The following IMMP2L variants were observed in gnomAD, a reference collection of about 807,000 sequenced individuals.
The protein encoded by IMMP2L is mitochondrial inner membrane protease subunit 2.
A neutral mutation model predicts 19.3 loss-of-function variants in IMMP2L; 18 were observed. The ratio of observed to expected loss-of-function variants is 0.93; its 90% CI spans 0.64 to 1.38. IMMP2L has a LOEUF of 1.38. IMMP2L is among the 40% of genes most tolerant of loss of function. IMMP2L has a pLI of 0.00. For synonymous variants in IMMP2L, 76 were observed against 73.0 expected, an observed-to-expected ratio of 1.04 and a Z score of -0.21; for missense variants, 233 against 218.2, an observed-to-expected ratio of 1.07 and a Z score of -0.43.
chr7:111,367,335 G>A lies in IMMP2L; in HGVS notation c.239+119903C>T, dbSNP rs545142701. On this transcript the variant is annotated intron_variant, in intron 3 of 5. Coordinates refer to ENST00000405709, the MANE Select transcript of IMMP2L (RefSeq NM_032549.4). The stretch of plus-strand genomic sequence containing the variant: ...ACAATGCAAGCACAAAAGGACATAC[G>A]CTAATAGGTATTTCCGGAGTAACAA... Among the ~76,000 whole-genome samples the A allele has an allele frequency of 2.6e-5, 4 of 151,870 alleles. No homozygotes were observed. The South Asian group carries it at 8.3e-4, about 32-fold the overall frequency.
At chr7:110,768,308 GAAAAAAAA>G (rs56248524) in intron 5 of IMMP2L, among the ~76,000 whole-genome samples, 2 of 120,876 alleles carry the variant, frequency 1.7e-5, no homozygotes, top group African/African-American at 3.0e-5. Flanking sequence ...GAAAAGAAAG[GAAAAAAAA>G]AAAAAAAAAG....
At chr7:111,076,063 T>C (rs145184887) in intron 3 of IMMP2L, among the ~76,000 whole-genome samples, 36 of 152,260 alleles carry the variant, frequency 2.4e-4, no homozygotes, top group African/African-American at 7.9e-4. Flanking sequence ...TTCATTTCTC[T>C]CTAGGAAAAA....
intron 3 of IMMP2L, among the ~76,000 whole-genome samples, chr7:111,143,014 C>T (rs1803100701): frequency 6.6e-6 from 1 of 152,052 alleles, no homozygotes; most frequent in Non-Finnish European, 1.5e-5. Context: ...AGTTGCCAAG[C>T]AGCATATTTC....
chr7:111,110,313 C>G (rs535080785), intron 3 of IMMP2L, among the ~76,000 whole-genome samples: 15 of 152,230 alleles, frequency 9.9e-5, no homozygotes, highest in African/African-American at 3.6e-4. Context: ...AAGAAAACCT[C>G]AAAACTAATA....
intron 2 of IMMP2L, among the ~76,000 whole-genome samples, chr7:111,495,781 C>T (rs938523749): frequency 2.6e-5 from 4 of 152,098 alleles, no homozygotes; most frequent in Non-Finnish European, 5.9e-5. Context: ...GATTCACTGC[C>T]TCCAAGATAT....
intron 3 of IMMP2L, among the ~76,000 whole-genome samples, chr7:111,462,116 T>C (rs901685994): frequency 6.6e-6 from 1 of 151,628 alleles, no homozygotes; most frequent in African/African-American, 2.4e-5. Flanking sequence ...TAATAAATAT[T>C]CTAAATGTAT....
chr7:111,052,909 C>A (rs1308692461), intron 3 of IMMP2L, among the ~76,000 whole-genome samples: 1 of 152,134 alleles, frequency 6.6e-6, no homozygotes, highest in Non-Finnish European at 1.5e-5. Context: ...TTCCCCTGTT[C>A]TTTCCTCCCC....
chr7:111,151,254 AG>A (rs1219006614), intron 3 of IMMP2L, among the ~76,000 whole-genome samples: 4 of 152,224 alleles, frequency 2.6e-5, no homozygotes, highest in Non-Finnish European at 2.9e-5. Context: ...GGGATCATAC[AG>A]TTTATTTTTC....
At chr7:111,155,994 CAGATTATACCTGTG>C (rs1309429003) in intron 3 of IMMP2L, among the ~76,000 whole-genome samples, 1 of 152,052 alleles carries the variant, frequency 6.6e-6, no homozygotes, top group Non-Finnish European at 1.5e-5. Flanking sequence ...TTATTTGCTC[CAGATTATACCTGTG>C]AGATTTATCC....
chr7:111,124,670 T>C (rs756447602), intron 3 of IMMP2L: 7 of 1,613,762 alleles, frequency 4.3e-6, no homozygotes, highest in Non-Finnish European at 5.9e-6. Flanking sequence ...ATGGCCTGTC[T>C]TGGAGGCCTT....
At chr7:110,930,042 C>A (rs1407777306) in intron 4 of IMMP2L, among the ~76,000 whole-genome samples, 1 of 152,102 alleles carries the variant, frequency 6.6e-6, no homozygotes, top group African/African-American at 2.4e-5. Flanking sequence ...AGTTCTGAGG[C>A]TAATGAGTAT....
chr7:110,843,863 C>T (rs986906641), intron 5 of IMMP2L, among the ~76,000 whole-genome samples: 5 of 152,030 alleles, frequency 3.3e-5, no homozygotes, highest in South Asian at 2.1e-4. Context: ...GTCCGTGTGT[C>T]GGCATGGGAG....
At position 111,277,450 on chromosome 7, in the gene IMMP2L, G is replaced by C. The variant is rs75643093; in HGVS notation, c.239+209788C>G. Among the ~76,000 whole-genome samples the C allele has an allele frequency of 8.6e-5, 13 of 151,780 alleles. No individual in the cohort carries two copies. The East Asian group carries it at 2.3e-3, about 27-fold the overall frequency. On this transcript the variant is annotated intron_variant, in intron 3 of 5. Transcript: ENST00000405709. ...AAAAGTCTAAAAACACTGTAATTCTGGCTATTCAGGTGGCTGAGGCACAAG... is the reference window on the plus strand; with the variant it reads ...AAAAGTCTAAAAACACTGTAATTCTCGCTATTCAGGTGGCTGAGGCACAAG...
intron 4 of IMMP2L, among the ~76,000 whole-genome samples, chr7:110,950,901 A>C: frequency 7.4e-6 from 1 of 135,620 alleles, no homozygotes; most frequent in African/African-American, 3.3e-5. Context: ...TCATGTATAT[A>C]TATGCCAAAT....
intron 2 of IMMP2L, among the ~76,000 whole-genome samples, chr7:111,519,186 C>T (rs1037378730): frequency 2.0e-5 from 3 of 152,110 alleles, no homozygotes; most frequent in African/African-American, 7.2e-5. Flanking sequence ...TGCGAGCTGC[C>T]AGCAGCCATG....
intron 5 of IMMP2L, among the ~76,000 whole-genome samples, chr7:110,755,312 A>G (rs950292768): frequency 4.6e-5 from 7 of 152,128 alleles, no homozygotes; most frequent in African/African-American, 1.7e-4. Flanking sequence ...CTTCACAATC[A>G]TTAGAAAAAT....
At chr7:110,806,132 A>T (rs1562987542) in intron 5 of IMMP2L, among the ~76,000 whole-genome samples, 1 of 152,030 alleles carries the variant, frequency 6.6e-6, no homozygotes, top group African/African-American at 2.4e-5. Flanking sequence ...AATAAGATGG[A>T]TAGCTAAATC....
At chr7:111,403,936 A>C (rs1324707757) in intron 3 of IMMP2L, among the ~76,000 whole-genome samples, 1 of 152,072 alleles carries the variant, frequency 6.6e-6, no homozygotes, top group Non-Finnish European at 1.5e-5. Flanking sequence ...TTATTTTTCT[A>C]ACCTATATAT....
rs557505621 is a variant in IMMP2L at position 110,822,917 on chromosome 7, G to A, written c.408+63676C>T. On this transcript the variant is annotated intron_variant, in intron 5 of 5. Coordinates refer to ENST00000405709, the MANE Select transcript of IMMP2L (RefSeq NM_032549.4). ...CTTATTCTATGTCTTATTCAAGGCTGGGGCCCCAGTACCTGGCACGGGATC... is the reference window on the plus strand; with the variant it reads ...CTTATTCTATGTCTTATTCAAGGCTAGGGCCCCAGTACCTGGCACGGGATC... Among the ~76,000 whole-genome samples, 5 of 152,166 alleles carry A rather than the reference G, an allele frequency of 3.3e-5. No individual in the cohort carries two copies. In the East Asian group the frequency reaches 7.8e-4, roughly 24 times the overall value.
Sources: gnomAD v4.1 joint callset for allele counts (sites outside exome capture counted in the v4.1 genomes callset) on GRCh38, gnomAD v4.1.1 for gene constraint, MANE v1.5 for transcripts, NCBI Gene and HGNC (gene_info 2026-07-23, HGNC 2026-07-21) for gene names.